The following PCDH7 variants were observed in gnomAD, a reference collection of about 807,000 sequenced individuals.
PCDH7 encodes the protein protocadherin 7.
A neutral mutation model predicts 58.9 loss-of-function variants in PCDH7; 17 were observed. The ratio of observed to expected loss-of-function variants is 0.29; its 90% confidence interval spans 0.20 to 0.43. The LOEUF is 0.43. Among genes scored for constraint, PCDH7 ranks in the 20% least tolerant of loss-of-function variants. The pLI, the probability that PCDH7 is intolerant of heterozygous loss-of-function variation, is 1.00. For missense variants in PCDH7, 1,274 were observed against 1,441.0 expected (o/e 0.88, Z 1.88); for synonymous variants, 664 against 616.4 (o/e 1.08, Z -1.14).
At chr4:31,010,044 T>C (rs1753055900) in intron 3 of PCDH7, among the ~76,000 whole-genome samples, 2 of 152,058 alleles carry the variant, frequency 1.3e-5, no homozygotes, top group Admixed American at 6.6e-5. Context: ...CAGTTTTTTA[T>C]GCCTGCAAAA....
intron 2 of PCDH7, among the ~76,000 whole-genome samples, chr4:30,931,604 TAGTA>T (rs1469287462): frequency 2.0e-5 from 3 of 151,448 alleles, no homozygotes; most frequent in African/African-American, 4.8e-5. Context: ...TATATATATG[TAGTA>T]AGTAAGGGCC....
chr4:31,113,627 A>G (rs1037749886), intron 3 of PCDH7, among the ~76,000 whole-genome samples: 2 of 152,114 alleles, frequency 1.3e-5, no homozygotes, highest in South Asian at 2.1e-4. Flanking sequence ...TAAATAAAAT[A>G]GTTTATTTTA....
Position 30,724,756 on chromosome 4 carries a change from C to T in PCDH7, c.3174+160C>T. 2.1e-6 allele frequency: 3 copies of T among 1,446,246 alleles called. No individual in the cohort carries two copies. The South Asian group carries it at 4.6e-5, about 22-fold the overall frequency. 89.6% of individuals were successfully genotyped at this position (1,446,246 alleles called of 1,614,324 possible). A position where few individuals can be genotyped will look rare whatever the true frequency, so the allele number is the denominator to read the frequency against. On this transcript the variant is annotated intron_variant, in intron 1 of 1. Transcript: ENST00000361762. ...TTTGCACCATTAATTTAGCAAAGGC[C>T]ATCTACAAGAGGTATACCACTGTAT...
At position 31,033,527 on chromosome 4, in the gene PCDH7, A is replaced by G. The variant is rs552010247; in HGVS notation, c.*7+83312A>G. 1.1e-4 allele frequency among the ~76,000 whole-genome samples: 17 copies of G among 152,350 alleles called. 1 individual carries two copies. Among genetic ancestry groups the G allele is most frequent in the Non-Finnish European group, 1.9e-4 (13 of 68,032 alleles). Reference sequence around the variant, plus strand: ...GCTAACTCCAATTGCGTCATGTTATACAACTGGAATCTACATCAGAGCTTC... The same window carrying G: ...GCTAACTCCAATTGCGTCATGTTATGCAACTGGAATCTACATCAGAGCTTC... On this transcript the variant is annotated intron_variant, in intron 3 of 3. Transcript: ENST00000509759.
chr4:31,080,932 C>T (rs1438689643), intron 3 of PCDH7, among the ~76,000 whole-genome samples: 1 of 152,132 alleles, frequency 6.6e-6, no homozygotes, highest in African/African-American at 2.4e-5. Context: ...AGGGGTTTCC[C>T]CTTTCGCTTG....
intron 1 of PCDH7, among the ~76,000 whole-genome samples, chr4:30,763,916 A>G (rs989889649): frequency 3.3e-5 from 5 of 152,200 alleles, no homozygotes; most frequent in African/African-American, 1.2e-4. Flanking sequence ...AGCTAAAAAG[A>G]GCACTGAGCA....
intron 3 of PCDH7, among the ~76,000 whole-genome samples, chr4:31,052,713 G>A (rs1186563831): frequency 6.6e-6 from 1 of 152,104 alleles, no homozygotes; most frequent in African/African-American, 2.4e-5. Context: ...CTGACACACA[G>A]CAAGCTTTGT....
intron 3 of PCDH7, among the ~76,000 whole-genome samples, chr4:31,053,408 G>A (rs908521601): frequency 1.3e-5 from 2 of 151,678 alleles, no homozygotes; most frequent in African/African-American, 4.9e-5. Context: ...TCCTTCCATC[G>A]AGGCCACTAA....
At chr4:30,859,160 T>C (rs938966941) in intron 1 of PCDH7, among the ~76,000 whole-genome samples, 1 of 152,212 alleles carries the variant, frequency 6.6e-6, no homozygotes, top group Admixed American at 6.5e-5. Context: ...TAGTGCATAC[T>C]CATTTTTAGG....
chr4:31,082,239 T>C (rs905309747), intron 3 of PCDH7, among the ~76,000 whole-genome samples: 30 of 152,212 alleles, frequency 2.0e-4, no homozygotes, highest in African/African-American at 7.2e-4. Flanking sequence ...GTGTCCAGTC[T>C]TACAGCTTAT....
chr4:31,144,948 C>G (rs1720580416), downstream of PCDH7: 1 of 151,980 alleles, frequency 6.6e-6, no homozygotes, highest in South Asian at 2.1e-4. Flanking sequence ...CTGTAAGTAC[C>G]TATTAAGACA....
intron 3 of PCDH7, among the ~76,000 whole-genome samples, chr4:31,042,292 G>A (rs1755934039): frequency 6.6e-6 from 1 of 152,132 alleles, no homozygotes; most frequent in Non-Finnish European, 1.5e-5. Flanking sequence ...TAGAGTAACA[G>A]CAGTGAGTCA....
rs1553880707 is a variant in PCDH7 at position 30,758,940 on chromosome 4, G to GCT, written c.70+34344_70+34345insCT. On this transcript the variant is annotated intron_variant, in intron 1 of 3. Coordinates refer to the PCDH7 transcript ENST00000509759. Reference sequence around the variant, plus strand: ...ATTTTTTGTATTTATTTGAAGAAGTGTTTTTTTTTTTTTTTTTTTGTGATA... The same window carrying GCT: ...ATTTTTTGTATTTATTTGAAGAAGTGCTTTTTTTTTTTTTTTTTTTTGTGATA... Among the ~76,000 whole-genome samples, 23 of 124,196 alleles carry GCT rather than the reference G, an allele frequency of 1.9e-4. 1 individual carries two copies. The highest frequency in any genetic ancestry group is 3.4e-4 in the Admixed American group (4 of 11,740). The allele number at this position is 124,196 out of a possible 152,430, so 81.5% of individuals were successfully genotyped here.
intron 3 of PCDH7, among the ~76,000 whole-genome samples, chr4:31,087,894 A>G (rs1712679070): frequency 6.6e-6 from 1 of 152,112 alleles, no homozygotes; most frequent in Non-Finnish European, 1.5e-5. Flanking sequence ...AAGGGAAGAA[A>G]TATAATGATC....
intron 2 of PCDH7, among the ~76,000 whole-genome samples, chr4:30,938,823 A>G (rs139992605): frequency 1.3e-5 from 2 of 152,220 alleles, no homozygotes; most frequent in African/African-American, 4.8e-5. Flanking sequence ...CCTGAAATTT[A>G]ATGTAATCTT....
intron 1 of PCDH7, among the ~76,000 whole-genome samples, chr4:30,842,212 A>T (rs1275049500): frequency 6.6e-6 from 1 of 152,156 alleles, no homozygotes; most frequent in Non-Finnish European, 1.5e-5. Context: ...ATTACTTGTA[A>T]TATTTTATAT....
intron 1 of PCDH7, among the ~76,000 whole-genome samples, chr4:30,844,269 T>C (rs913715513): frequency 1.3e-5 from 2 of 152,212 alleles, no homozygotes; most frequent in African/African-American, 4.8e-5. Flanking sequence ...TGTCATGTAA[T>C]GTTACTAAAC....
Position 31,078,926 on chromosome 4 carries a change from G to C in PCDH7, c.*8-63547G>C, listed in dbSNP as rs549184986. Among the ~76,000 whole-genome samples the C allele has an allele frequency of 7.9e-5, 12 of 151,932 alleles. 1 individual carries two copies. The South Asian group carries it at 2.5e-3, about 32-fold the overall frequency. ...TACAAAATAGGTCCACATATATGTG[G>C]ATAATTAATTTATAGATGCTGTATC... On this transcript the variant is annotated intron_variant, in intron 3 of 3. Transcript: ENST00000509759.
chr4:30,750,131 G>GGGAAT (rs1718315301), intron 1 of PCDH7, among the ~76,000 whole-genome samples: 1 of 152,096 alleles, frequency 6.6e-6, no homozygotes, highest in Non-Finnish European at 1.5e-5. Context: ...TGCCATGTTA[G>GGGAAT]GGAATTTCTG....
Sources: allele counts gnomAD v4.1 joint callset (sites outside exome capture counted in the v4.1 genomes callset), GRCh38; gene constraint gnomAD v4.1.1; transcripts MANE v1.5; gene names NCBI Gene and HGNC (gene_info 2026-07-23, HGNC 2026-07-21).